The following CDH26 variants were observed in gnomAD, a reference collection of about 807,000 sequenced individuals.
The protein encoded by CDH26 is cadherin-like protein 26.
In CDH26, 83 loss-of-function variants were observed where a neutral mutation model predicts 90.3. The ratio of observed to expected loss-of-function variants is 0.92; its 90% CI spans 0.77 to 1.10. CDH26 has a LOEUF of 1.10. CDH26 is among the 50% of genes least tolerant of loss of function. CDH26 has a pLI of 0.00. For synonymous variants in CDH26, 397 were observed against 396.3 expected, an observed-to-expected ratio of 1.00 and a Z score of -0.02; for missense variants, 1,013 against 1,037.6, an observed-to-expected ratio of 0.98 and a Z score of 0.33.
chr20:59,980,596 C>A (rs1386940571), intron 4 of CDH26, among the ~76,000 whole-genome samples: 1 of 152,188 alleles, frequency 6.6e-6, no homozygotes, highest in Non-Finnish European at 1.5e-5. Flanking sequence ...CCACACCCGG[C>A]CATATATTGT....
intron 7 of CDH26, among the ~76,000 whole-genome samples, chr20:60,028,853 T>C (rs1222418868): frequency 6.6e-6 from 1 of 152,178 alleles, no homozygotes; most frequent in Non-Finnish European, 1.5e-5. Context: ...AGAATAGAAA[T>C]CCGGATCTCA....
intron 16 of CDH26, among the ~76,000 whole-genome samples, chr20:60,006,349 C>CA (rs3841691): frequency 0.2 from 30,850 of 152,148 alleles, 7,142 homozygotes; most frequent in African/African-American, 0.57. Flanking sequence ...AAACAATGGG[C>CA]AGGTTCAGAG....
Position 59,973,445 on chromosome 20 carries a change from T to C in CDH26, c.393+1322T>C, listed in dbSNP as rs138688187. 3.7e-3 allele frequency among the ~76,000 whole-genome samples: 560 copies of C among 152,328 alleles called. 1 individual carries two copies. The highest frequency in any genetic ancestry group is 6.3e-3 in the Non-Finnish European group (426 of 68,012). Reference sequence around the variant, plus strand: ...TAAGTTCATGTACAGGTTTGTTATATAGGTAAACTTGTATAATGAGGGTTT... The same window carrying C: ...TAAGTTCATGTACAGGTTTGTTATACAGGTAAACTTGTATAATGAGGGTTT... On this transcript the variant is annotated intron_variant, in intron 4 of 17. Coordinates refer to ENST00000348616, the MANE Select transcript of CDH26 (RefSeq NM_177980.4).
chr20:60,022,001 C>T (rs919773664), intron 7 of CDH26, among the ~76,000 whole-genome samples: 1 of 150,958 alleles, frequency 6.6e-6, no homozygotes, highest in Non-Finnish European at 1.5e-5. Flanking sequence ...TTATGAAGTA[C>T]CCCTGGCATA....
chr20:59,964,543 A>G (rs1160562336), intron 1 of CDH26, among the ~76,000 whole-genome samples: 2 of 152,178 alleles, frequency 1.3e-5, no homozygotes, highest in African/African-American at 2.4e-5. Flanking sequence ...CAGATGAGAA[A>G]TATAATGAGA....
chr20:60,021,849 TACACACACACACACACACACAC>T (rs757813328), intron 7 of CDH26, among the ~76,000 whole-genome samples: 18 of 42,604 alleles, frequency 4.2e-4, no homozygotes, highest in South Asian at 1.7e-3. Flanking sequence ...TCCTTATCTG[TACACACACACACACACACACAC>T]ACACACACAC....
intron 7 of CDH26, among the ~76,000 whole-genome samples, chr20:59,986,616 TACACACAC>T (rs3043440): frequency 0.018 from 2,493 of 136,838 alleles, 67 homozygotes; most frequent in African/African-American, 0.058. Context: ...TAAATCCCCC[TACACACAC>T]ACACACACAC....
rs570201460 is a variant in CDH26, at chr20:60,004,698, G to A, written c.2220+1832G>A. ...GGAGAATGGCATGAACCTGGGAGGC[G>A]GCGCTTGCAGTGAGCCAAGATCGCG... On this transcript the variant is annotated intron_variant, in intron 16 of 17. Transcript: ENST00000348616. Among the ~76,000 whole-genome samples the A allele has an allele frequency of 1.9e-4, 28 of 150,318 alleles. No homozygotes were observed. In the South Asian group the frequency reaches 4.0e-3, roughly 22 times the overall value.
rs559969476 is a variant in CDH26 at position 59,979,601 on chromosome 20, C to CTTTTTTT, written c.394-3285_394-3279dup. ...TGTGGTGAGATAAAGCTGCTATGCA[C>CTTTTTTT]TTTTTTTTTTTTTTTTTTTTTTTTT... On this transcript the variant is annotated intron_variant, in intron 4 of 17. Coordinates refer to ENST00000348616, the MANE Select transcript of CDH26 (RefSeq NM_177980.4). 3.8e-4 allele frequency among the ~76,000 whole-genome samples: 18 copies of CTTTTTTT among 47,494 alleles called. 3 individuals carry two copies. Among genetic ancestry groups the CTTTTTTT allele is most frequent in the East Asian group, 6.6e-4 (1 of 1,520 alleles). The allele number at this position is 47,494 out of a possible 152,430, so 31.2% of individuals were successfully genotyped here. A position where few individuals can be genotyped will look rare whatever the true frequency, so the allele number is the denominator to read the frequency against.
chr20:59,985,138 C>A lies in CDH26; in HGVS notation c.837+9C>A. 1 of 1,609,446 alleles carries A rather than the reference C, an allele frequency of 6.2e-7. No homozygotes were observed. The highest frequency in any genetic ancestry group is 2.2e-5 in the East Asian group (1 of 44,844). On this transcript the variant is annotated intron_variant, in intron 7 of 17. Transcript: ENST00000348616. ...CATTTACCCAGGAGAACGTGAGGCT[C>A]CTGGGCCGCCCCAACGTCTAAGCCC...
chr20:59,967,857 CTTTCTTTCTTTCTTTCTTT>C (rs2061177106), intron 1 of CDH26, among the ~76,000 whole-genome samples: 24 of 104,698 alleles, frequency 2.3e-4, no homozygotes, highest in African/African-American at 1.1e-3. Context: ...TTCTTTCTTT[CTTTCTTTCTTTCTTTCTTT>C]CTTCCTTCCT....
At chr20:59,974,337 G>T (rs1569029849) in intron 4 of CDH26, among the ~76,000 whole-genome samples, 1 of 152,204 alleles carries the variant, frequency 6.6e-6, no homozygotes, top group Non-Finnish European at 1.5e-5. Flanking sequence ...ACAACCTGCA[G>T]AATGGGAGAA....
In CDH26 at chr20:59,988,923, G is replaced by C. The variant is rs148034325; in HGVS notation, c.1043G>C (p.Arg348Pro). 6.2e-7 allele frequency: 1 copy of C among 1,613,964 alleles called. No individual in the cohort carries two copies. The highest frequency in any genetic ancestry group is 1.3e-5 in the African/African-American group (1 of 74,904). ...TTCCAGCCTTTGGATTATGAGACTC[G>C]CCCAGCGCAAAGCCTCATCATTGTC... Reference protein sequence around the residue: ...NVIKPLDYETRPAQSLIIVVE... With the variant: ...NVIKPLDYETPPAQSLIIVVE... The change falls in exon 9 of 18, where the codon CGC becomes CCC. Residue 348 changes from arginine to proline, a missense_variant. By Grantham distance (103) the Arg-to-Pro change is moderately radical. Coordinates refer to ENST00000348616, the MANE Select transcript of CDH26 (RefSeq NM_177980.4).
chr20:59,968,434 A>G (rs1327174789), intron 1 of CDH26, among the ~76,000 whole-genome samples: 1 of 152,118 alleles, frequency 6.6e-6, no homozygotes, highest in East Asian at 1.9e-4. Flanking sequence ...TTGTACATGT[A>G]TTTTTTGGAG....
chr20:60,002,927 G>C (rs1395468393), intron 16 of CDH26, 61 bp downstream of exon 16: 9 of 1,284,698 alleles, frequency 7.0e-6, no homozygotes, highest in African/African-American at 1.5e-5. Context: ...CCTAAAAGCT[G>C]TGCAAATCCC....
intron 15 of CDH26, among the ~76,000 whole-genome samples, chr20:60,002,479 C>T (rs1292571790): frequency 6.6e-6 from 1 of 152,032 alleles, no homozygotes; most frequent in Non-Finnish European, 1.5e-5. Flanking sequence ...TCATCTTGCA[C>T]TGAGCCCTGA....
intron 1 of CDH26, among the ~76,000 whole-genome samples, chr20:59,960,489 A>T (rs2061055800): frequency 6.6e-6 from 1 of 152,206 alleles, no homozygotes; most frequent in African/African-American, 2.4e-5. Context: ...TGTAGGCTTG[A>T]TAACTAAAAC....
intron 11 of CDH26, among the ~76,000 whole-genome samples, chr20:59,995,563 C>T (rs1475207187): frequency 6.6e-6 from 1 of 152,216 alleles, no homozygotes; most frequent in Admixed American, 6.5e-5. Context: ...TATCTTTTCC[C>T]TGTAAAAAAC....
In CDH26 at chr20:59,970,135, C is replaced by T; in HGVS notation, c.180C>T (p.Thr60=). ...RRSKRRWVIT[T]LELEEEDPGP... is the part of the protein sequence containing the mutation. ...CCAAGAGAAGATGGGTTATCACCACCTTGGAGCTGGAGGAGGAAGACCCGG... is the reference window on the plus strand; with the variant it reads ...CCAAGAGAAGATGGGTTATCACCACTTTGGAGCTGGAGGAGGAAGACCCGG... The change falls in exon 3 of 18, where the codon ACC becomes ACT. Residue 60 remains threonine, a synonymous_variant. Transcript: ENST00000348616. 1 of 1,614,126 alleles carries T rather than the reference C, an allele frequency of 6.2e-7. No individual in the cohort carries two copies.
Sources: gnomAD v4.1 joint callset for allele counts (sites outside exome capture counted in the v4.1 genomes callset) on GRCh38, gnomAD v4.1.1 for gene constraint, MANE v1.5 for transcripts, NCBI Gene and HGNC (gene_info 2026-07-23, HGNC 2026-07-21) for gene names.